PTGFR: variants seen among roughly 807,000 people sequenced by gnomAD.
The protein encoded by PTGFR is prostaglandin F receptor.
Under a neutral mutation model 26.2 loss-of-function variants are expected in PTGFR, and 15 were observed. The ratio of observed to expected loss-of-function variants is 0.57; its 90% CI spans 0.38 to 0.88. PTGFR has a LOEUF of 0.88. PTGFR is among the 40% of genes least tolerant of loss of function. The probability of loss-of-function intolerance (pLI) is 0.00; values close to 1 mark genes in which losing one functional copy is unlikely to be tolerated. For missense variants in PTGFR, 369 were observed against 427.2 expected (o/e 0.86, Z 1.20); for synonymous variants, 165 against 151.1 (o/e 1.09, Z -0.68).
chr1:78,491,856 T>C (rs2100342260), intron 1 of PTGFR, among the ~76,000 whole-genome samples: 1 of 152,350 alleles, frequency 6.6e-6, no homozygotes, highest in Middle Eastern at 3.4e-3. Context: ...AGAGTGGCCG[T>C]GGCCTTGTGT....
chr1:78,500,506 T>C (rs1366200661), intron 2 of PTGFR, among the ~76,000 whole-genome samples: 1 of 152,200 alleles, frequency 6.6e-6, no homozygotes. Flanking sequence ...CTTTGCCTTG[T>C]TGGGATATTT....
intron 2 of PTGFR, among the ~76,000 whole-genome samples, chr1:78,528,979 G>A (rs538275): frequency 0.34 from 51,565 of 151,968 alleles, 9,319 homozygotes; most frequent in African/African-American, 0.47. Context: ...ACACATTTCA[G>A]TAATGGATAG....
At chr1:78,502,614 T>C (rs1335001599) in intron 2 of PTGFR, among the ~76,000 whole-genome samples, 1 of 152,162 alleles carries the variant, frequency 6.6e-6, no homozygotes. Flanking sequence ...TGTTGCCCAC[T>C]AATCATTTTG....
chr1:78,534,839 T>G (rs902670530), intron 2 of PTGFR, among the ~76,000 whole-genome samples: 2 of 152,210 alleles, frequency 1.3e-5, no homozygotes, highest in African/African-American at 4.8e-5. Flanking sequence ...TGTTGGATAC[T>G]TAGGTGGTCC....
chr1:78,511,928 C>T (rs1389586226), intron 2 of PTGFR, among the ~76,000 whole-genome samples: 2 of 152,194 alleles, frequency 1.3e-5, no homozygotes, highest in Non-Finnish European at 2.9e-5. Flanking sequence ...GGTCATTACT[C>T]TTAAATTCAA....
intron 2 of PTGFR, among the ~76,000 whole-genome samples, chr1:78,534,787 C>T (rs575258712): frequency 2.0e-4 from 31 of 152,018 alleles, no homozygotes; most frequent in Middle Eastern, 3.4e-3. Context: ...CATTAAAGTC[C>T]GCATATATCT....
At chr1:78,508,606 C>T (rs955979063) in intron 2 of PTGFR, among the ~76,000 whole-genome samples, 1 of 152,176 alleles carries the variant, frequency 6.6e-6, no homozygotes, top group Non-Finnish European at 1.5e-5. Flanking sequence ...CCCCTGACTT[C>T]TATCTCTGAT....
intron 2 of PTGFR, among the ~76,000 whole-genome samples, chr1:78,512,383 C>T (rs911164167): frequency 2.0e-5 from 3 of 152,162 alleles, no homozygotes; most frequent in African/African-American, 7.2e-5. Context: ...AAGTGTGATG[C>T]CAGCTGTGCT....
chr1:78,507,068 G>T (rs1649843151), intron 2 of PTGFR, among the ~76,000 whole-genome samples: 1 of 152,136 alleles, frequency 6.6e-6, no homozygotes, highest in Non-Finnish European at 1.5e-5. Context: ...ATGATTCAAA[G>T]GTCAGCCCAA....
chr1:78,520,027 T>C (rs1298243949), intron 2 of PTGFR, among the ~76,000 whole-genome samples: 3 of 152,164 alleles, frequency 2.0e-5, no homozygotes, highest in Non-Finnish European at 4.4e-5. Context: ...TTCAGGTTTA[T>C]ACCACTTCCT....
At chr1:78,497,561 T>C (rs1649584869) in intron 2 of PTGFR, among the ~76,000 whole-genome samples, 1 of 152,174 alleles carries the variant, frequency 6.6e-6, no homozygotes, top group Admixed American at 6.6e-5. Context: ...CGATTCTTTT[T>C]AATGCTCCCC....
intron 2 of PTGFR, among the ~76,000 whole-genome samples, chr1:78,522,756 C>G (rs553353642): frequency 1.6e-4 from 24 of 152,018 alleles, no homozygotes; most frequent in Non-Finnish European, 3.1e-4. Flanking sequence ...CTCCCTTGGA[C>G]GCCCCTGCAA....
chr1:78,508,449 A>G (rs951880638), intron 2 of PTGFR, among the ~76,000 whole-genome samples: 1 of 152,162 alleles, frequency 6.6e-6, no homozygotes, highest in Non-Finnish European at 1.5e-5. Flanking sequence ...CCCTCTTTTG[A>G]ATCATCATGC....
chr1:78,529,141 G>A (rs1423907762), intron 2 of PTGFR, among the ~76,000 whole-genome samples: 1 of 152,116 alleles, frequency 6.6e-6, no homozygotes, highest in Admixed American at 6.6e-5. Context: ...TGGGCCAGTT[G>A]GAAATTTCTT....
chr1:78,527,260 ATG>A (rs1357267502), intron 2 of PTGFR, among the ~76,000 whole-genome samples: 1 of 152,126 alleles, frequency 6.6e-6, no homozygotes, highest in Non-Finnish European at 1.5e-5. Context: ...TAAAAAAGTA[ATG>A]TGAGTCTTCA....
rs1649377209 is a variant in PTGFR, at chr1:78,490,997, G to C, written c.-312G>C. On this transcript the variant is annotated 5_prime_UTR_variant, in exon 1 of 3. Coordinates refer to ENST00000370757, the MANE Select transcript of PTGFR (RefSeq NM_000959.4). Reference sequence around the variant, plus strand: ...TCACTCGCGCGCCCCATCCCTCCCAGGCTGCCAGCGCAGCTAGGTGCAGAG... The same window carrying C: ...TCACTCGCGCGCCCCATCCCTCCCACGCTGCCAGCGCAGCTAGGTGCAGAG... 6.6e-6 allele frequency: 1 copy of C among 152,658 alleles called. No homozygotes were observed. Among genetic ancestry groups the C allele is most frequent in the South Asian group, 2.1e-4 (1 of 4,828 alleles). The allele number at this position is 152,658 out of a possible 1,614,324, so 9.5% of individuals were successfully genotyped here.
rs1649978335 is a variant in PTGFR at position 78,511,843 on chromosome 1, T to C, written c.798+18302T>C. 3.3e-5 allele frequency among the ~76,000 whole-genome samples: 5 copies of C among 152,330 alleles called. No individual in the cohort carries two copies. The South Asian group carries it at 1.0e-3, about 32-fold the overall frequency. On this transcript the variant is annotated intron_variant, in intron 2 of 2. Transcript: ENST00000370757. ...CAAGTCATTCCTTTGTCCCTGTATC[T>C]GATCATAGGCTGTTAGAAGCAGCCA... is the stretch of plus-strand genomic sequence containing the variant.
intron 2 of PTGFR, among the ~76,000 whole-genome samples, chr1:78,494,813 C>T (rs1649505291): frequency 6.6e-6 from 1 of 152,116 alleles, no homozygotes; most frequent in Non-Finnish European, 1.5e-5. Flanking sequence ...ACCATGTTGG[C>T]CAGGCTAGTC....
rs754233774 is a variant in PTGFR, at chr1:78,493,189, C to A, written c.446C>A (p.Ser149Tyr). ...KPIFHSTKITSKHVKMMLSGV... is the reference protein window; with the variant it reads ...KPIFHSTKITYKHVKMMLSGV... ...ATATTTCATTCTACGAAAATTACATCCAAACATGTGAAAATGATGTTAAGT... is the reference window on the plus strand; with the variant it reads ...ATATTTCATTCTACGAAAATTACATACAAACATGTGAAAATGATGTTAAGT... The change falls in exon 2 of 3, where the codon TCC (serine) becomes TAC (tyrosine). Residue 149 changes from serine to tyrosine, a missense_variant. Physicochemically the swap from Ser to Tyr is moderately radical, Grantham distance 144 (BLOSUM62 -2). Transcript: ENST00000370757. 4 of 1,614,050 alleles carry A rather than the reference C, an allele frequency of 2.5e-6. No homozygotes were observed. The highest frequency in any genetic ancestry group is 1.3e-5 in the African/African-American group (1 of 74,914).
Sources: gnomAD v4.1 joint callset for allele counts (sites outside exome capture counted in the v4.1 genomes callset) on GRCh38, gnomAD v4.1.1 for gene constraint, MANE v1.5 for transcripts, NCBI Gene and HGNC (gene_info 2026-07-23, HGNC 2026-07-21) for gene names.